Variants in TMCO4 observed in about 807,000 individuals in gnomAD.
The protein encoded by TMCO4 is transmembrane and coiled-coil domain-containing protein 4.
In TMCO4, 58 loss-of-function variants were observed where a neutral mutation model predicts 64.7. The ratio of observed to expected loss-of-function variants is 0.90; its 90% CI spans 0.73 to 1.12. TMCO4 has a LOEUF of 1.12. TMCO4 is among the 50% of genes most tolerant of loss of function. The pLI is 0.00. For missense variants in TMCO4, 780 were observed against 825.9 expected, an observed-to-expected ratio of 0.94 and a Z score of 0.68; for synonymous variants, 325 against 346.1, an observed-to-expected ratio of 0.94 and a Z score of 0.68.
chr1:19,767,747 T>C (rs964039777), intron 6 of TMCO4, among the ~76,000 whole-genome samples: 2 of 152,180 alleles, frequency 1.3e-5, no homozygotes, highest in Non-Finnish European at 2.9e-5. Context: ...CTGCTGTGTG[T>C]CTGCAAGGAA....
Position 19,682,625 on chromosome 1 carries a change from G to A in TMCO4, c.*415C>T. On this transcript the variant is annotated 3_prime_UTR_variant, in exon 16 of 16. Transcript: ENST00000294543. The stretch of plus-strand genomic sequence containing the variant: ...TGGATGGAAGAACAGGCATGCACCT[G>A]GTTTTATTGAGGCCAGGGGAGAGCT... 1.4e-6 allele frequency: 1 copy of A among 717,538 alleles called. No homozygotes were observed. The highest frequency in any genetic ancestry group is 1.5e-5 in the South Asian group (1 of 67,598). 44.4% of individuals were successfully genotyped at this position (717,538 alleles called of 1,614,324 possible).
chr1:19,694,339 A>C (rs1570642991), intron 15 of TMCO4, 95 bp downstream of exon 15: 1 of 1,047,348 alleles, frequency 9.5e-7, no homozygotes, highest in Non-Finnish European at 1.4e-6. Flanking sequence ...TGTGGCGTGG[A>C]CCAGGCTGGG....
At chr1:19,753,562 G>A (rs1045239685) in intron 7 of TMCO4, among the ~76,000 whole-genome samples, 2 of 152,192 alleles carry the variant, frequency 1.3e-5, no homozygotes, top group Non-Finnish European at 2.9e-5. Context: ...GGTCGGCCCA[G>A]TGATGAACTC....
intron 6 of TMCO4, among the ~76,000 whole-genome samples, chr1:19,766,496 T>C (rs1483572231): frequency 2.0e-5 from 3 of 151,868 alleles, no homozygotes; most frequent in African/African-American, 7.3e-5. Context: ...CACGCAAGAG[T>C]CTCAAGAGAC....
intron 6 of TMCO4, 119 bp from the exon 7 acceptor site, chr1:19,755,885 G>T: frequency 8.7e-7 from 1 of 1,144,498 alleles, no homozygotes. Context: ...CCCCATGGGA[G>T]CCAGTCAATG....
intron 3 of TMCO4, 71 bp from the exon 4 acceptor site, chr1:19,780,837 C>G (rs2043439913): frequency 2.3e-6 from 3 of 1,291,878 alleles, no homozygotes; most frequent in South Asian, 1.5e-5. Context: ...TGACACAGAA[C>G]TTACAAACCA....
At chr1:19,700,283 C>T (rs745697284) in intron 14 of TMCO4, among the ~76,000 whole-genome samples, 2 of 152,244 alleles carry the variant, frequency 1.3e-5, no homozygotes, top group East Asian at 1.9e-4. Flanking sequence ...TGCACGCTGG[C>T]GGCCTCCTGT....
At position 19,683,303 on chromosome 1, in the gene TMCO4, C is replaced by A. The variant is rs764824776; in HGVS notation, c.1642G>T (p.Ala548Ser). 3 of 1,613,910 alleles carry A rather than the reference C, an allele frequency of 1.9e-6. No homozygotes were observed. Among genetic ancestry groups the A allele is most frequent in the African/African-American group, 2.7e-5 (2 of 74,966 alleles). ...LPSEEPRQAA[A>S]AASSGETPHQ... ...GGGGTCTCGCCTGATGAGGCGGCAG[C>A]TGCTGCCTGGCGAGGCTCCTCGGAG... Residue 548 changes from alanine to serine, a missense_variant, in exon 16 of 16, where the codon GCT becomes TCT. Coordinates refer to ENST00000294543, the MANE Select transcript of TMCO4 (RefSeq NM_181719.7).
At chr1:19,726,871 G>T (rs183482847) in intron 13 of TMCO4, among the ~76,000 whole-genome samples, 105 of 152,258 alleles carry the variant, frequency 6.9e-4, no homozygotes, top group Middle Eastern at 6.8e-3. Context: ...AAGATTCCTC[G>T]GCTACATGAT....
At chr1:19,709,259 G>A (rs948527734) in intron 13 of TMCO4, among the ~76,000 whole-genome samples, 8 of 150,594 alleles carry the variant, frequency 5.3e-5, no homozygotes, top group African/African-American at 2.0e-4. Context: ...GTCATGCAAA[G>A]TGATAAGGCT....
At chr1:19,705,452 AAAAT>A (rs1055958162) in intron 13 of TMCO4, among the ~76,000 whole-genome samples, 8 of 152,056 alleles carry the variant, frequency 5.3e-5, no homozygotes, top group Non-Finnish European at 8.8e-5. Flanking sequence ...CTCCATCTCA[AAAAT>A]AAATAAATAA....
At chr1:19,780,311 T>G (rs2043404083) in intron 4 of TMCO4, among the ~76,000 whole-genome samples, 1 of 152,174 alleles carries the variant, frequency 6.6e-6, no homozygotes, top group Non-Finnish European at 1.5e-5. Context: ...TGTGGCTTAG[T>G]ATTCATAAAA....
At position 19,722,276 on chromosome 1, in the gene TMCO4, G is replaced by A. The variant is rs537720917; in HGVS notation, c.1264+15096C>T. The stretch of plus-strand genomic sequence containing the variant: ...AAATGAGGCCCAGCATATCAGCCTC[G>A]ATAAGATGTTCTAGCAGTGCCTTCT... On this transcript the variant is annotated intron_variant, in intron 13 of 15. Transcript: ENST00000294543. Among the ~76,000 whole-genome samples, 4 of 152,254 alleles carry A rather than the reference G, an allele frequency of 2.6e-5. No homozygotes were observed. In the East Asian group the frequency reaches 5.8e-4, roughly 22 times the overall value.
intron 13 of TMCO4, among the ~76,000 whole-genome samples, chr1:19,714,811 T>C (rs1250986502): frequency 6.6e-6 from 1 of 152,084 alleles, no homozygotes; most frequent in Admixed American, 6.6e-5. Context: ...TAATTCCAGT[T>C]ACTCAGGAAG....
chr1:19,692,753 T>G (rs1162212912), intron 15 of TMCO4, among the ~76,000 whole-genome samples: 2 of 150,574 alleles, frequency 1.3e-5, no homozygotes, highest in African/African-American at 4.9e-5. Context: ...ACCTCAAAAA[T>G]ATAAATAAAC....
intron 13 of TMCO4, among the ~76,000 whole-genome samples, chr1:19,731,172 T>C (rs2095428307): frequency 6.6e-6 from 1 of 151,844 alleles, no homozygotes; most frequent in African/African-American, 2.4e-5. Flanking sequence ...AGGAAGAGGG[T>C]AGGAGGCGCT....
intron 13 of TMCO4, among the ~76,000 whole-genome samples, chr1:19,717,652 T>A (rs1359892557): frequency 4.6e-5 from 7 of 152,170 alleles, no homozygotes; most frequent in African/African-American, 1.7e-4. Context: ...GTATTGCCAG[T>A]CCTGCGCCCT....
rs185558358 is a variant in TMCO4 at position 19,704,130 on chromosome 1, T to G, written c.1265-3245A>C. 1.8e-3 allele frequency among the ~76,000 whole-genome samples: 277 copies of G among 152,328 alleles called. 2 individuals carry two copies. Among genetic ancestry groups the G allele is most frequent in the African/African-American group, 6.4e-3 (268 of 41,584 alleles). ...TTTGAAAACCCTTGTAGTACCAAGC[T>G]CTCTGAGTTCCCCTCTGGCTCTGAG... On this transcript the variant is annotated intron_variant, in intron 13 of 15. Transcript: ENST00000294543.
At position 19,740,805 on chromosome 1, in the gene TMCO4, CT is replaced by C; in HGVS notation, c.1013del (p.Gln338ArgfsTer4). 1 of 1,613,528 alleles carries C rather than the reference CT, an allele frequency of 6.2e-7. No individual in the cohort carries two copies. The highest frequency in any genetic ancestry group is 8.5e-7 in the Non-Finnish European group (1 of 1,179,732). ...ILSGLANMVAQEALKYTVLSG... is the reference protein window; with the variant it reads ...ILSGLANMVAXEALKYTVLSG... ...ACAACACTGTGTACTTTAGGGCCTC[CT>C]GGGCCACCATGTTGGCGAGACCACT... On this transcript the variant is annotated frameshift_variant, in exon 11 of 16. Coordinates refer to ENST00000294543, the MANE Select transcript of TMCO4 (RefSeq NM_181719.7). LOFTEE classifies it high-confidence loss of function.
Sources: allele counts gnomAD v4.1 joint callset (sites outside exome capture counted in the v4.1 genomes callset), GRCh38; gene constraint gnomAD v4.1.1; transcripts MANE v1.5; gene names NCBI Gene and HGNC (gene_info 2026-07-23, HGNC 2026-07-21).